Variants in RGL1 observed in about 807,000 individuals in gnomAD.
The protein encoded by RGL1 is ral guanine nucleotide dissociation stimulator-like 1.
A neutral mutation model predicts 95.2 loss-of-function variants in RGL1; 24 were observed. The observed-to-expected ratio is 0.25, with a 90% CI of 0.18 to 0.35. The LOEUF (loss-of-function observed/expected upper bound fraction) is 0.35, where lower values mean the gene tolerates loss of function less well. Among genes scored for constraint, RGL1 ranks in the 10% least tolerant of loss-of-function variants. The pLI is 1.00. For missense variants in RGL1, 715 were observed against 936.3 expected, an observed-to-expected ratio of 0.76 and a Z score of 3.08; for synonymous variants, 329 against 344.9, an observed-to-expected ratio of 0.95 and a Z score of 0.51.
chr1:183,918,741 C>T lies in RGL1; in HGVS notation c.2004+2040C>T, dbSNP rs147242057. ...GTGAGAATCACCTCTCCTGCCAACC[C>T]CTTCCTGTGGCCCTTTATATTGCAC... is the stretch of plus-strand genomic sequence containing the variant. On this transcript the variant is annotated intron_variant, in intron 16 of 17. Coordinates refer to ENST00000360851, the MANE Select transcript of RGL1 (RefSeq NM_001297671.3). Among the ~76,000 whole-genome samples, 104 of 152,338 alleles carry T rather than the reference C, an allele frequency of 6.8e-4. 1 individual carries two copies. Among genetic ancestry groups the T allele is most frequent in the African/African-American group, 2.4e-3 (101 of 41,564 alleles).
chr1:183,654,207 T>C (rs1650976509), intron 1 of RGL1, among the ~76,000 whole-genome samples: 1 of 152,170 alleles, frequency 6.6e-6, no homozygotes, highest in Non-Finnish European at 1.5e-5. Flanking sequence ...GATGTTTTTG[T>C]CTCCTAAGGG....
intron 1 of RGL1, among the ~76,000 whole-genome samples, chr1:183,664,572 A>T (rs557631605): frequency 0.018 from 1,933 of 110,368 alleles, 50 homozygotes; most frequent in African/African-American, 0.055. Context: ...CAGAGGGCAT[A>T]CTTTTTTTTT....
intron 2 of RGL1, among the ~76,000 whole-genome samples, chr1:183,823,219 T>A (rs960522670): frequency 2.6e-5 from 4 of 152,204 alleles, no homozygotes; most frequent in African/African-American, 9.6e-5. Context: ...GAACTTAAAT[T>A]AGGCCTCTAT....
Position 183,926,201 on chromosome 1 carries a change from A to C in RGL1, c.2216A>C (p.Gln739Pro). 6.2e-7 allele frequency: 1 copy of C among 1,614,142 alleles called. No homozygotes were observed. ...CGCAAAAAGAACTCCATGGAAGAAC[A>C]AGTGAAACTGCGTAGCCGGACCAGC... Reference protein sequence around the residue: ...ILRKKNSMEEQVKLRSRTSLT... With the variant: ...ILRKKNSMEEPVKLRSRTSLT... Residue 739 changes from glutamine (Q) to proline (P), a missense_variant, in exon 18 of 18, where the codon CAA becomes CCA. Coordinates refer to ENST00000360851, the MANE Select transcript of RGL1 (RefSeq NM_001297671.3).
At chr1:183,662,909 A>G (rs923787451) in intron 1 of RGL1, among the ~76,000 whole-genome samples, 6 of 152,236 alleles carry the variant, frequency 3.9e-5, no homozygotes, top group East Asian at 1.9e-4. Context: ...ATAACGCCGC[A>G]TATCTACAAC....
chr1:183,686,836 C>T (rs894284783), intron 1 of RGL1, among the ~76,000 whole-genome samples: 1 of 152,192 alleles, frequency 6.6e-6, no homozygotes, highest in African/African-American at 2.4e-5. Flanking sequence ...TACATCTCCG[C>T]CTCAGTGCCA....
intron 1 of RGL1, among the ~76,000 whole-genome samples, chr1:183,712,830 C>T (rs776571405): frequency 6.6e-6 from 1 of 152,158 alleles, no homozygotes; most frequent in Non-Finnish European, 1.5e-5. Context: ...TTGTGGCATT[C>T]TTATAAAAGG....
At chr1:183,716,027 T>C (rs1655605044) in intron 1 of RGL1, among the ~76,000 whole-genome samples, 2 of 152,234 alleles carry the variant, frequency 1.3e-5, no homozygotes, top group South Asian at 2.1e-4. Flanking sequence ...CTCACCCACA[T>C]TGGGGTGGGC....
chr1:183,858,611 A>C (rs1016774711), intron 3 of RGL1, among the ~76,000 whole-genome samples: 3 of 152,226 alleles, frequency 2.0e-5, no homozygotes, highest in African/African-American at 7.2e-5. Context: ...ATCTTGGGAC[A>C]TCTAAAAGGG....
chr1:183,694,406 A>G (rs1467360405), intron 1 of RGL1, among the ~76,000 whole-genome samples: 1 of 152,230 alleles, frequency 6.6e-6, no homozygotes, highest in African/African-American at 2.4e-5. Flanking sequence ...CTTTACATTA[A>G]ACATTGATGA....
At chr1:183,799,442 G>A (rs763930838) in intron 2 of RGL1, among the ~76,000 whole-genome samples, 1 of 152,104 alleles carries the variant, frequency 6.6e-6, no homozygotes, top group Non-Finnish European at 1.5e-5. Context: ...GCATATCAGG[G>A]TTCCTTTTTG....
At chr1:183,703,939 A>G (rs1035476057) in intron 1 of RGL1, among the ~76,000 whole-genome samples, 64 of 152,304 alleles carry the variant, frequency 4.2e-4, no homozygotes, top group Non-Finnish European at 7.6e-4. Flanking sequence ...GACATGGAAA[A>G]GTTGTGGAGA....
chr1:183,906,582 G>A (rs1668337134), intron 13 of RGL1, among the ~76,000 whole-genome samples: 1 of 152,034 alleles, frequency 6.6e-6, no homozygotes, highest in South Asian at 2.1e-4. Context: ...ATAAAACTAA[G>A]TCATTTGTGC....
chr1:183,849,683 G>T (rs1310034271), intron 3 of RGL1, among the ~76,000 whole-genome samples: 1 of 151,712 alleles, frequency 6.6e-6, no homozygotes, highest in Non-Finnish European at 1.5e-5. Flanking sequence ...TAAAGACAGG[G>T]CTTTACCATG....
intron 1 of RGL1, among the ~76,000 whole-genome samples, chr1:183,700,694 C>T (rs901615910): frequency 6.6e-6 from 1 of 151,882 alleles, no homozygotes; most frequent in Admixed American, 6.6e-5. Context: ...TACAGGTGCA[C>T]ACCACCACAC....
At chr1:183,688,937 C>G (rs1490201958) in intron 1 of RGL1, among the ~76,000 whole-genome samples, 2 of 152,082 alleles carry the variant, frequency 1.3e-5, no homozygotes, top group African/African-American at 4.8e-5. Flanking sequence ...GACAGAGAAA[C>G]TGAAATTCAC....
At position 183,657,438 on chromosome 1, in the gene RGL1, C is replaced by T. The variant is rs531491218; in HGVS notation, c.-33+20937C>T. On this transcript the variant is annotated intron_variant, in intron 1 of 18. Coordinates refer to the RGL1 transcript ENST00000304685. ...TATATCTCCTAATGCTATCCCTCCC[C>T]GCTCCCTCCACCCCACAACAGTCCC... is the stretch of plus-strand genomic sequence containing the variant. Among the ~76,000 whole-genome samples, 43 of 152,288 alleles carry T rather than the reference C, an allele frequency of 2.8e-4. 1 individual carries two copies. Among genetic ancestry groups the T allele is most frequent in the Admixed American group, 1.4e-3 (22 of 15,296 alleles).
chr1:183,742,541 G>A (rs1219161417), intron 2 of RGL1, among the ~76,000 whole-genome samples: 1 of 152,190 alleles, frequency 6.6e-6, no homozygotes, highest in African/African-American at 2.4e-5. Context: ...AGGCTCATAT[G>A]CATATAATCT....
At chr1:183,920,237 A>G (rs756775537) in intron 16 of RGL1, among the ~76,000 whole-genome samples, 11 of 152,052 alleles carry the variant, frequency 7.2e-5, no homozygotes, top group Admixed American at 1.3e-4. Context: ...GGGTTTCACC[A>G]TGTTGGCCAG....
Sources: allele counts gnomAD v4.1 joint callset (sites outside exome capture counted in the v4.1 genomes callset), GRCh38; gene constraint gnomAD v4.1.1; transcripts MANE v1.5; gene names NCBI Gene and HGNC (gene_info 2026-07-23, HGNC 2026-07-21).